The following TYW1 variants were observed in gnomAD, a reference collection of about 807,000 sequenced individuals.
TYW1 encodes tRNA-yW synthesizing protein 1 homolog, also known as S-adenosyl-L-methionine-dependent tRNA 4-demethylwyosine synthase TYW1.
A neutral mutation model predicts 96.2 loss-of-function variants in TYW1; 46 were observed. That is an observed-to-expected ratio of 0.48 (90% CI 0.38 to 0.61). The LOEUF (loss-of-function observed/expected upper bound fraction) is 0.61, where lower values mean the gene tolerates loss of function less well. Ranked by LOEUF, TYW1 falls within the 20% of genes least tolerant of loss-of-function variation. The pLI, the probability that TYW1 is intolerant of heterozygous loss-of-function variation, is 0.00. For synonymous variants in TYW1, 274 were observed against 323.0 expected (o/e 0.85, Z 1.63); for missense variants, 684 against 909.6 (o/e 0.75, Z 3.19).
intron 15 of TYW1, among the ~76,000 whole-genome samples, chr7:67,210,245 T>A (rs1800955627): frequency 6.6e-6 from 1 of 152,206 alleles, no homozygotes. Flanking sequence ...TATTGAAATT[T>A]GTCTGATGTT....
intron 7 of TYW1, among the ~76,000 whole-genome samples, chr7:67,033,566 G>C (rs1215169725): frequency 6.6e-6 from 1 of 152,198 alleles, no homozygotes. Context: ...ACAGCTCCCT[G>C]TAGCCTCTCT....
At chr7:67,123,268 A>T (rs1347739182) in intron 13 of TYW1, among the ~76,000 whole-genome samples, 4 of 152,248 alleles carry the variant, frequency 2.6e-5, no homozygotes, top group East Asian at 3.9e-4. Flanking sequence ...ACAGGCATAG[A>T]TCCCCCAGGG....
intron 12 of TYW1, among the ~76,000 whole-genome samples, chr7:67,109,269 G>A (rs1184040510): frequency 1.5e-4 from 16 of 106,664 alleles, no homozygotes; most frequent in South Asian, 3.0e-4. Context: ...GCGAGACTCC[G>A]TCTCAAAAAA....
At chr7:67,000,633 T>C (rs896111606) in intron 3 of TYW1, among the ~76,000 whole-genome samples, 1 of 152,074 alleles carries the variant, frequency 6.6e-6, no homozygotes, top group Non-Finnish European at 1.5e-5. Flanking sequence ...AGAGACAAGA[T>C]CTTGCAATCT....
chr7:67,092,619 C>A (rs1426230593), intron 11 of TYW1, among the ~76,000 whole-genome samples: 1 of 151,886 alleles, frequency 6.6e-6, no homozygotes, highest in African/African-American at 2.4e-5. Flanking sequence ...CCTCTTGGCA[C>A]CCCACATCTT....
intron 6 of TYW1, 31 bp from the exon 7 acceptor site, chr7:67,024,869 A>G (rs1794398764): frequency 6.2e-7 from 1 of 1,613,026 alleles, no homozygotes; most frequent in African/African-American, 1.3e-5. Flanking sequence ...GCCCCTTTGA[A>G]CAATGTATTT....
chr7:67,193,823 G>A (rs1584679782), intron 14 of TYW1, among the ~76,000 whole-genome samples: 1 of 149,832 alleles, frequency 6.7e-6, no homozygotes, highest in Non-Finnish European at 1.5e-5. Flanking sequence ...GTGTGTGTGT[G>A]TCCTGTCTTT....
chr7:67,043,812 C>T (rs1010832441), intron 7 of TYW1, among the ~76,000 whole-genome samples: 5 of 152,088 alleles, frequency 3.3e-5, no homozygotes, highest in East Asian at 1.9e-4. Flanking sequence ...GCTCTTGACA[C>T]GCTTGGGCAC....
chr7:67,121,501 A>G (rs576622191), intron 13 of TYW1, among the ~76,000 whole-genome samples: 2 of 152,368 alleles, frequency 1.3e-5, no homozygotes, highest in Admixed American at 6.5e-5. Flanking sequence ...AGATCGCACC[A>G]TTGCACTCCA....
intron 3 of TYW1, among the ~76,000 whole-genome samples, 184 bp from the exon 4 acceptor site, chr7:67,009,399 G>C (rs931288816): frequency 3.9e-5 from 6 of 152,192 alleles, no homozygotes; most frequent in African/African-American, 1.4e-4. Context: ...ACAAATGAAT[G>C]ATCTCTGTAA....
chr7:67,192,942 C>T (rs140737402), intron 14 of TYW1, among the ~76,000 whole-genome samples: 96 of 152,230 alleles, frequency 6.3e-4, no homozygotes, highest in African/African-American at 2.2e-3. Context: ...GCGCAGTTGT[C>T]TGTTTGATCA....
At chr7:67,196,018 A>G (rs1174820792) in intron 15 of TYW1, among the ~76,000 whole-genome samples, 1 of 151,888 alleles carries the variant, frequency 6.6e-6, no homozygotes, top group East Asian at 1.9e-4. Context: ...CTCCAATTAA[A>G]CATATGTTAG....
intron 13 of TYW1, among the ~76,000 whole-genome samples, chr7:67,174,297 A>C (rs1226717290): frequency 3.9e-5 from 6 of 152,152 alleles, no homozygotes; most frequent in South Asian, 4.1e-4. Context: ...GGGATAAATA[A>C]AAACATTTTA....
intron 15 of TYW1, among the ~76,000 whole-genome samples, chr7:67,198,699 C>T (rs10239442): frequency 0.35 from 52,533 of 151,958 alleles, 10,202 homozygotes; most frequent in African/African-American, 0.53. Flanking sequence ...AAGACTGTCC[C>T]TAAAACAGGT....
chr7:67,073,767 C>CAAAAAAAAAAAAAA (rs71526599), intron 10 of TYW1, among the ~76,000 whole-genome samples: 1 of 42,322 alleles, frequency 2.4e-5, no homozygotes, highest in Non-Finnish European at 4.0e-5. Context: ...CGAGACTCTT[C>CAAAAAAAAAAAAAA]AAAAAAAAAA....
intron 15 of TYW1, among the ~76,000 whole-genome samples, chr7:67,195,849 T>C (rs1215343631): frequency 1.4e-5 from 2 of 146,908 alleles, no homozygotes; most frequent in Admixed American, 1.4e-4. Flanking sequence ...ATCTAGTATC[T>C]TTCTTAAGTA....
intron 4 of TYW1, among the ~76,000 whole-genome samples, chr7:67,010,497 A>G (rs1295949611): frequency 2.0e-5 from 3 of 146,374 alleles, no homozygotes; most frequent in African/African-American, 5.1e-5. Context: ...TTTTTTTGAC[A>G]TGGAGTCTCG....
At chr7:67,060,196 C>T (rs1458576862) in intron 9 of TYW1, among the ~76,000 whole-genome samples, 1 of 152,078 alleles carries the variant, frequency 6.6e-6, no homozygotes, top group African/African-American at 2.4e-5. Flanking sequence ...CTGCCTCAGC[C>T]TCTGGAGTAG....
chr7:67,235,111 ACAC>A (rs1421341932), intron 15 of TYW1, among the ~76,000 whole-genome samples: 3 of 152,160 alleles, frequency 2.0e-5, no homozygotes, highest in Non-Finnish European at 4.4e-5. Context: ...AGAAATCAAA[ACAC>A]CAAAGGGACA....
Sources: allele counts gnomAD v4.1 joint callset (sites outside exome capture counted in the v4.1 genomes callset), GRCh38; gene constraint gnomAD v4.1.1; transcripts MANE v1.5; gene names NCBI Gene and HGNC (gene_info 2026-07-23, HGNC 2026-07-21).